Variants in ENO2 observed in about 807,000 individuals in gnomAD.
ENO2 encodes enolase 2.
ENO2 carries 19 observed loss-of-function variants against 48.7 expected under a neutral mutation model. The observed-to-expected ratio is 0.39, with a 90% CI of 0.27 to 0.57. ENO2 has a LOEUF of 0.57. Ranked by LOEUF, ENO2 falls within the 20% of genes least tolerant of loss-of-function variation. The pLI is 0.58. For missense variants in ENO2, 416 were observed against 555.0 expected, an observed-to-expected ratio of 0.75 and a Z score of 2.52; for synonymous variants, 198 against 213.4, an observed-to-expected ratio of 0.93 and a Z score of 0.63.
In ENO2 at chr12:6,916,639, C is replaced by A. The variant is rs781824742; in HGVS notation, c.182-32C>A. 5.6e-6 allele frequency: 9 copies of A among 1,613,720 alleles called. No homozygotes were observed. The East Asian group carries it at 1.8e-4, about 32-fold the overall frequency. On this transcript the variant is annotated intron_variant, in intron 3 of 11. Coordinates refer to ENST00000229277, the MANE Select transcript of ENO2 (RefSeq NM_001975.3). The surrounding 1 kb of genome is among the most constrained non-coding windows in gnomAD (Gnocchi z 4.5). ...ATTGATCCCTTCCGGCCCCTCCTGG[C>A]CCGACCCAGTCCAGCCTCTTCCTTT... is the stretch of plus-strand genomic sequence containing the variant.
Position 6,919,615 on chromosome 12 carries a change from G to T in ENO2, c.717G>T (p.Lys239Asn), listed in dbSNP as rs1417081792. 8 of 1,614,048 alleles carry T rather than the reference G, an allele frequency of 5.0e-6. No individual in the cohort carries two copies. Among genetic ancestry groups the T allele is most frequent in the East Asian group, 2.2e-5 (1 of 44,894 alleles). Residue 239 changes from lysine to asparagine, a missense_variant, in exon 8 of 12, where the codon AAG (lysine) becomes AAT (asparagine). Coordinates refer to ENST00000229277, the MANE Select transcript of ENO2 (RefSeq NM_001975.3). ...TCGACAAGGCTGGCTACACGGAAAA[G>T]ATCGTTATTGGCATGGATGTTGCTG... ...EAIDKAGYTE[K>N]IVIGMDVAAS...
At position 6,916,668 on chromosome 12, in the gene ENO2, C is replaced by T; in HGVS notation, c.182-3C>T. 1.2e-6 allele frequency: 2 copies of T among 1,614,174 alleles called. No homozygotes were observed. The highest frequency in any genetic ancestry group is 1.3e-5 in the African/African-American group (1 of 75,036). On this transcript the variant is annotated splice_region_variant and splice_polypyrimidine_tract_variant and intron_variant, in intron 3 of 11. Coordinates refer to ENST00000229277, the MANE Select transcript of ENO2 (RefSeq NM_001975.3). This position sits in a 1 kb window ranked among gnomAD's most constrained non-coding sequence, Gnocchi z 4.5. ...ACCCAGTCCAGCCTCTTCCTTTCCC[C>T]AGGTGTCCTGAAGGCAGTGGACCAC...
In ENO2 at chr12:6,922,143, G is replaced by C. The variant is rs190347711; in HGVS notation, c.1155G>C (p.Val385=). 6.9e-5 allele frequency: 112 copies of C among 1,614,114 alleles called. No homozygotes were observed. The Admixed American group carries it at 1.6e-3, about 23-fold the overall frequency. Residue 385 remains valine (V), a synonymous_variant, in exon 10 of 12, where the codon GTG becomes GTC. Transcript: ENST00000229277. This position sits in a 1 kb window ranked among gnomAD's most constrained non-coding sequence, Gnocchi z 5.3. ...ETEDTFIADL[V]VGLCTGQIKT... ...AGGACACATTCATTGCTGACCTGGT[G>C]GTGGGGCTGTGCACAGGCCAGGTGA...
In ENO2 at chr12:6,919,789, G is replaced by A. The variant is rs782478311; in HGVS notation, c.865+26G>A. 9.9e-6 allele frequency: 16 copies of A among 1,609,414 alleles called. No homozygotes were observed. In the South Asian group the frequency reaches 1.6e-4, roughly 17 times the overall value. On this transcript the variant is annotated intron_variant, in intron 8 of 11. Coordinates refer to ENST00000229277, the MANE Select transcript of ENO2 (RefSeq NM_001975.3). ...GTGAGAGGAAGTGGTGTGAGGGGGA[G>A]GTCTGGGGGCAGGCAGGGACGTGTC...
chr12:6,917,065 CTGGACAACCTGA>C lies in ENO2; in HGVS notation c.271_282del (p.Asp91_Met94del). On this transcript the variant is annotated inframe_deletion, in exon 5 of 12. Transcript: ENST00000229277. ...TCTCTCTGTGGTGGAGCAAGAGAAA[CTGGACAACCTGA>C]TGCTGGAGTTGGATGGGACTGAGAA... is the stretch of plus-strand genomic sequence containing the variant. The C allele has an allele frequency of 6.2e-7, 1 of 1,614,184 alleles. No individual in the cohort carries two copies. Among genetic ancestry groups the C allele is most frequent in the Non-Finnish European group, 8.5e-7 (1 of 1,180,038 alleles).
chr12:6,916,447 C>A lies in ENO2; in HGVS notation c.116C>A (p.Ala39Asp). Residue 39 changes from alanine to aspartate, a missense_variant, in exon 3 of 12, where the codon GCC becomes GAC. Transcript: ENST00000229277. This position sits in a 1 kb window ranked among gnomAD's most constrained non-coding sequence, Gnocchi z 4.5. ...GLFRAAVPSG[A>D]STGIYEALEL... ...TTCCGGGCTGCAGTGCCCAGTGGAG[C>A]CTCTACGGGCATCTATGAGGCCCTG... The A allele has an allele frequency of 1.2e-6, 2 of 1,614,020 alleles. No individual in the cohort carries two copies. Among genetic ancestry groups the A allele is most frequent in the Non-Finnish European group, 1.7e-6 (2 of 1,179,980 alleles).
intron 6 of ENO2, 45 bp downstream of exon 6, chr12:6,917,759 G>GT: frequency 1.1e-5 from 15 of 1,375,288 alleles, no homozygotes; most frequent in Middle Eastern, 2.2e-4. Context: ...GCGGGTGGGG[G>GT]AGGGAGCATG....
At chr12:6,917,548 T>C in intron 5 of ENO2, 33 bp from the exon 6 acceptor site, 1 of 1,598,270 alleles carries the variant, frequency 6.3e-7, no homozygotes, top group Non-Finnish European at 8.5e-7. Flanking sequence ...GAAGGGGACA[T>C]TGTGCTCAGC....
rs1555142222 is a variant in ENO2 at position 6,922,402 on chromosome 12, G to A, written c.1235G>A (p.Arg412Lys). 1 of 1,614,196 alleles carries A rather than the reference G, an allele frequency of 6.2e-7. No homozygotes were observed. Among genetic ancestry groups the A allele is most frequent in the Non-Finnish European group, 8.5e-7 (1 of 1,180,040 alleles). Residue 412 changes from arginine to lysine, a missense_variant and splice_region_variant, in exon 11 of 12, where the codon AGA (arginine) becomes AAA (lysine). Transcript: ENST00000229277. The surrounding 1 kb of genome is among the most constrained non-coding windows in gnomAD (Gnocchi z 5.3). ...CTGGCTAAATACAACCAGCTCATGA[G>A]GTGAGGGTCCCTGGGGTGGGAGCCC... Reference protein sequence around the residue: ...ERLAKYNQLMRIEEELGDEAR... With the variant: ...ERLAKYNQLMKIEEELGDEAR...
In ENO2 at chr12:6,916,167, C is replaced by G. The variant is rs782489839; in HGVS notation, c.85+250C>G. On this transcript the variant is annotated intron_variant, in intron 2 of 11. Transcript: ENST00000229277. This position sits in a 1 kb window ranked among gnomAD's most constrained non-coding sequence, Gnocchi z 4.5. Reference sequence around the variant, plus strand: ...GCCTGTGCACTTGCATGTGTGCAGACGTGTGCTGCAAGCAATTTTCTTTCT... The same window carrying G: ...GCCTGTGCACTTGCATGTGTGCAGAGGTGTGCTGCAAGCAATTTTCTTTCT... Among the ~76,000 whole-genome samples, 3 of 150,632 alleles carry G rather than the reference C, an allele frequency of 2.0e-5. No individual in the cohort carries two copies. In the East Asian group the frequency reaches 6.0e-4, roughly 30 times the overall value.
intron 9 of ENO2, 84 bp downstream of exon 9, chr12:6,921,866 G>C: frequency 6.4e-7 from 1 of 1,564,956 alleles, no homozygotes; most frequent in South Asian, 1.1e-5. Flanking sequence ...TTCTACCCAG[G>C]GGTGCCAAAG....
rs1591650619 is a variant in ENO2, at chr12:6,915,510, G to C, written c.-12-311G>C. ...CCCCACCGGCTGGCCAAGCTGCAAAGAGGCGCGGGAACCACTGTCGTGCCC... is the reference window on the plus strand; with the variant it reads ...CCCCACCGGCTGGCCAAGCTGCAAACAGGCGCGGGAACCACTGTCGTGCCC... On this transcript the variant is annotated intron_variant, in intron 1 of 11. Transcript: ENST00000229277. 8 of 330,974 alleles carry C rather than the reference G, an allele frequency of 2.4e-5. No individual in the cohort carries two copies. In the South Asian group the frequency reaches 2.9e-4, roughly 12 times the overall value. The allele number at this position is 330,974 out of a possible 1,614,324, so 20.5% of individuals were successfully genotyped here.
At position 6,922,772 on chromosome 12, in the gene ENO2, A is replaced by C. The variant is rs1555142255; in HGVS notation, c.1277A>C (p.His426Pro). ...ELGDEARFAG[H>P]NFRNPSVL Reference sequence around the variant, plus strand: ...GGGGATGAAGCTCGCTTTGCCGGACATAACTTCCGTAATCCCAGTGTGCTG... The same window carrying C: ...GGGGATGAAGCTCGCTTTGCCGGACCTAACTTCCGTAATCCCAGTGTGCTG... The change falls in exon 12 of 12, where the codon CAT becomes CCT. Residue 426 changes from histidine (H) to proline (P), a missense_variant. Physicochemically the swap from His to Pro is moderately conservative, Grantham distance 77. Coordinates refer to ENST00000229277, the MANE Select transcript of ENO2 (RefSeq NM_001975.3). This position sits in a 1 kb window ranked among gnomAD's most constrained non-coding sequence, Gnocchi z 5.3. The C allele has an allele frequency of 2.5e-6, 4 of 1,614,134 alleles. No homozygotes were observed. Among genetic ancestry groups the C allele is most frequent in the Non-Finnish European group, 3.4e-6 (4 of 1,180,006 alleles).
At chr12:6,920,931 C>T (rs1286319976) in intron 8 of ENO2, among the ~76,000 whole-genome samples, 1 of 151,850 alleles carries the variant, frequency 6.6e-6, no homozygotes, top group Non-Finnish European at 1.5e-5. Flanking sequence ...GGATTACAGG[C>T]GTGCACCACC....
chr12:6,921,896 C>T (rs1482862245), intron 9 of ENO2, 114 bp downstream of exon 9: 1 of 1,503,850 alleles, frequency 6.6e-7, no homozygotes, highest in Non-Finnish European at 9.1e-7. Context: ...AACCTGGAAT[C>T]ATCCTCACAG....
chr12:6,916,731 T>A lies in ENO2; in HGVS notation c.240+2T>A. ...ATCGCGCCAGCCCTCATCAGCTCAG[T>A]GAGGCCTGCTCTTTGCTGGGGATAG... On this transcript the variant is annotated splice_donor_variant, in intron 4 of 11. Coordinates refer to ENST00000229277, the MANE Select transcript of ENO2 (RefSeq NM_001975.3). LOFTEE classifies it high-confidence loss of function. This position sits in a 1 kb window ranked among gnomAD's most constrained non-coding sequence, Gnocchi z 4.5. 6.2e-7 allele frequency: 1 copy of A among 1,614,052 alleles called. No homozygotes were observed. Among genetic ancestry groups the A allele is most frequent in the Non-Finnish European group, 8.5e-7 (1 of 1,179,982 alleles).
rs151000238 is a variant in ENO2, at chr12:6,916,894, C to T, written c.241-144C>T. The T allele has an allele frequency of 2.9e-4, 405 of 1,386,172 alleles. 1 individual carries two copies. The African/African-American group carries it at 5.0e-3, about 17-fold the overall frequency. The allele number at this position is 1,386,172 out of a possible 1,614,324, so 85.9% of individuals were successfully genotyped here. A position where few individuals can be genotyped will look rare whatever the true frequency, so the allele number is the denominator to read the frequency against. ...AATGCACCCTGCTCCCATGGGAGTT[C>T]AGGTCCCCTAATCCAGGTAGGCCCC... On this transcript the variant is annotated intron_variant, in intron 4 of 11. Coordinates refer to ENST00000229277, the MANE Select transcript of ENO2 (RefSeq NM_001975.3). This position sits in a 1 kb window ranked among gnomAD's most constrained non-coding sequence, Gnocchi z 4.5.
chr12:6,920,557 G>A (rs1424081604), intron 8 of ENO2, among the ~76,000 whole-genome samples: 2 of 151,800 alleles, frequency 1.3e-5, no homozygotes, highest in African/African-American at 4.8e-5. Flanking sequence ...GTGCCACCAT[G>A]CCTGGCTAAT....
At chr12:6,921,034 A>C in intron 8 of ENO2, among the ~76,000 whole-genome samples, 1 of 143,006 alleles carries the variant, frequency 7.0e-6, no homozygotes, top group Non-Finnish European at 1.5e-5. Context: ...TCACCTCAGT[A>C]TCCCAAAGTG....
Sources: gnomAD v4.1 joint callset for allele counts (sites outside exome capture counted in the v4.1 genomes callset) on GRCh38, gnomAD v4.1.1 for gene constraint, Gnocchi (gnomAD v3.1) non-coding constraint, MANE v1.5 for transcripts, NCBI Gene and HGNC (gene_info 2026-07-23, HGNC 2026-07-21) for gene names.